The following NKAIN3 variants were observed in gnomAD, a reference collection of about 807,000 sequenced individuals.
NKAIN3 encodes the protein sodium/potassium transporting ATPase interacting 3, also known as sodium/potassium-transporting ATPase subunit beta-1-interacting protein 3.
A neutral mutation model predicts 30.2 loss-of-function variants in NKAIN3; 25 were observed. That is an observed-to-expected ratio of 0.83 (90% CI 0.60 to 1.16). NKAIN3 has a LOEUF of 1.16. Among genes scored for constraint, NKAIN3 ranks in the 50% most tolerant of loss-of-function variants. The pLI is 0.00. For synonymous variants in NKAIN3, 91 were observed against 89.6 expected, an observed-to-expected ratio of 1.02 and a Z score of -0.09; for missense variants, 225 against 254.1, an observed-to-expected ratio of 0.89 and a Z score of 0.78.
At position 62,976,255 on chromosome 8, in the gene NKAIN3, C is replaced by T. The variant is rs1235080982; in HGVS notation, c.*10848C>T. Among the ~76,000 whole-genome samples, 3 of 151,798 alleles carry T rather than the reference C, an allele frequency of 2.0e-5. No homozygotes were observed. The highest frequency in any genetic ancestry group is 4.4e-5 in the Non-Finnish European group (3 of 67,968). The stretch of plus-strand genomic sequence containing the variant: ...GAATATCCTTGTTAATTTTCTATCT[C>T]GGTGATCTGTCTAATACACACAATG... On this transcript the variant is annotated 3_prime_UTR_variant, in exon 7 of 7. Transcript: ENST00000623646.
intron 1 of NKAIN3, among the ~76,000 whole-genome samples, chr8:62,329,349 A>T (rs1815257914): frequency 1.3e-5 from 2 of 152,126 alleles, no homozygotes; most frequent in African/African-American, 4.8e-5. Context: ...CTTAATTTCA[A>T]TTTTTATCAT....
intron 1 of NKAIN3, among the ~76,000 whole-genome samples, chr8:62,302,852 T>G (rs144282052): frequency 3.3e-5 from 5 of 151,134 alleles, no homozygotes; most frequent in Admixed American, 3.3e-4. Context: ...AGATTCACAG[T>G]TTGTTTTCTC....
At chr8:62,867,321 A>G (rs2130795862) in intron 4 of NKAIN3, among the ~76,000 whole-genome samples, 1 of 152,318 alleles carries the variant, frequency 6.6e-6, no homozygotes, top group South Asian at 2.1e-4. Flanking sequence ...GAAAAATGGT[A>G]GCAACTTCTT....
At chr8:62,677,037 T>C (rs1813499431) in intron 3 of NKAIN3, among the ~76,000 whole-genome samples, 1 of 152,138 alleles carries the variant, frequency 6.6e-6, no homozygotes, top group African/African-American at 2.4e-5. Flanking sequence ...AATTTTTAAG[T>C]ATGATGCATA....
At chr8:62,517,700 A>G (rs1048237637) in intron 1 of NKAIN3, among the ~76,000 whole-genome samples, 4 of 152,132 alleles carry the variant, frequency 2.6e-5, no homozygotes, top group Admixed American at 6.6e-5. Flanking sequence ...CTGCTCACCC[A>G]TAACACAAAA....
intron 1 of NKAIN3, among the ~76,000 whole-genome samples, chr8:62,316,427 C>T (rs978248511): frequency 1.3e-5 from 2 of 151,888 alleles, no homozygotes; most frequent in African/African-American, 4.8e-5. Flanking sequence ...CTATCCCCCC[C>T]CTCCTCCCAC....
intron 1 of NKAIN3, among the ~76,000 whole-genome samples, chr8:62,531,859 C>T (rs1808501451): frequency 6.6e-6 from 1 of 152,206 alleles, no homozygotes; most frequent in Non-Finnish European, 1.5e-5. Context: ...TTCAGCTGTG[C>T]AAAATCATGC....
At chr8:62,823,084 G>A (rs1246666393) in intron 4 of NKAIN3, among the ~76,000 whole-genome samples, 1 of 152,094 alleles carries the variant, frequency 6.6e-6, no homozygotes. Flanking sequence ...AGTTGCTCTG[G>A]GTGAGTCAGT....
chr8:62,902,040 C>G (rs1821628951), intron 4 of NKAIN3, among the ~76,000 whole-genome samples: 1 of 152,186 alleles, frequency 6.6e-6, no homozygotes, highest in African/African-American at 2.4e-5. Context: ...TGGTGCCTGA[C>G]TGCCTAAGCA....
intron 5 of NKAIN3, among the ~76,000 whole-genome samples, chr8:62,991,761 A>G (rs1214231317): frequency 4.6e-5 from 7 of 152,206 alleles, no homozygotes; most frequent in Non-Finnish European, 1.0e-4. Context: ...TTGGTGATGA[A>G]AAATAAAAGA....
intron 1 of NKAIN3, among the ~76,000 whole-genome samples, chr8:62,440,050 A>G (rs550258271): frequency 3.9e-5 from 6 of 152,266 alleles, no homozygotes; most frequent in Middle Eastern, 3.4e-3. Flanking sequence ...TTTTTAGCCA[A>G]AATTGGGTCC....
At chr8:62,581,296 C>A (rs933854687) in intron 2 of NKAIN3, among the ~76,000 whole-genome samples, 1 of 152,034 alleles carries the variant, frequency 6.6e-6, no homozygotes, top group African/African-American at 2.4e-5. Flanking sequence ...TAAATGTGTT[C>A]TAGTTTGTTA....
At chr8:62,344,969 C>T in intron 1 of NKAIN3, 1 of 251,468 alleles carries the variant, frequency 4.0e-6, no homozygotes, top group Non-Finnish European at 7.9e-6. Flanking sequence ...GTGTCTTTCT[C>T]ATTTTCTTTC....
At position 62,973,919 on chromosome 8, in the gene NKAIN3, G is replaced by A. The variant is rs1012211179; in HGVS notation, c.*8512G>A. 1.3e-5 allele frequency among the ~76,000 whole-genome samples: 2 copies of A among 152,168 alleles called. No individual in the cohort carries two copies. Among genetic ancestry groups the A allele is most frequent in the African/African-American group, 4.8e-5 (2 of 41,440 alleles). On this transcript the variant is annotated 3_prime_UTR_variant, in exon 7 of 7. Transcript: ENST00000623646. ...TTTCCCAGCACCATTTATTAAATAG[G>A]AAATCCTTTCCCCATTGCTTGTTTT...
intron 1 of NKAIN3, among the ~76,000 whole-genome samples, chr8:62,274,806 T>C (rs1197629413): frequency 6.7e-6 from 1 of 150,178 alleles, no homozygotes; most frequent in Non-Finnish European, 1.5e-5. Flanking sequence ...CCATGTGTTC[T>C]CATTGTTCAA....
intron 4 of NKAIN3, among the ~76,000 whole-genome samples, chr8:62,810,439 C>T (rs1818451042): frequency 6.6e-6 from 1 of 152,084 alleles, no homozygotes; most frequent in East Asian, 1.9e-4. Flanking sequence ...GACCCTTGAT[C>T]TGATTCGCTT....
intron 3 of NKAIN3, among the ~76,000 whole-genome samples, chr8:62,662,144 T>A (rs909337089): frequency 1.3e-5 from 2 of 152,104 alleles, no homozygotes; most frequent in Non-Finnish European, 2.9e-5. Context: ...AAATTTCTGA[T>A]CTCTTCTGTG....
In NKAIN3 at chr8:62,255,015, C is replaced by T. The variant is rs6997381; in HGVS notation, c.54+5888C>T. Among the ~76,000 whole-genome samples, 477 of 152,228 alleles carry T rather than the reference C, an allele frequency of 3.1e-3. 4 individuals carry two copies. The highest frequency in any genetic ancestry group is 0.011 in the African/African-American group (466 of 41,534). ...GAGAAGAGTGTTATGGGAAGAATTT[C>T]GTCCTCTAAAAAGATACATTGAAGT... On this transcript the variant is annotated intron_variant, in intron 1 of 6. Coordinates refer to ENST00000623646, the MANE Select transcript of NKAIN3 (RefSeq NM_001304533.3).
intron 1 of NKAIN3, among the ~76,000 whole-genome samples, chr8:62,348,729 A>C (rs939926659): frequency 6.6e-6 from 1 of 152,238 alleles, no homozygotes; most frequent in Admixed American, 6.5e-5. Flanking sequence ...AGATGAGTGA[A>C]AACTATGTTG....
Sources: allele counts gnomAD v4.1 joint callset (sites outside exome capture counted in the v4.1 genomes callset), GRCh38; gene constraint gnomAD v4.1.1; transcripts MANE v1.5; gene names NCBI Gene and HGNC (gene_info 2026-07-23, HGNC 2026-07-21).